The following BLTP3B variants were observed in gnomAD, a reference collection of about 807,000 sequenced individuals.
BLTP3B encodes the protein bridge-like lipid transfer protein family member 3B.
chr12:100,072,892 T>C, the BLTP3B span: 1 of 1,440,824 alleles, frequency 6.9e-7, no homozygotes, highest in Non-Finnish European at 9.2e-7. Flanking sequence ...AGACAGTACT[T>C]TTAAAACTAC....
At chr12:100,069,898 T>C in the BLTP3B span, 68 of 988,916 alleles carry the variant, frequency 6.9e-5, 1 homozygote, top group Non-Finnish European at 1.3e-5. Context: ...TAGAATAAAA[T>C]TTTTAAAAAT....
the BLTP3B span, among the ~76,000 whole-genome samples, chr12:100,072,257 G>A: frequency 6.6e-6 from 1 of 151,298 alleles, no homozygotes; most frequent in South Asian, 2.1e-4. Flanking sequence ...GCGAGACTCT[G>A]CCTTGAAAAA....
the BLTP3B span, among the ~76,000 whole-genome samples, chr12:100,097,165 C>T: frequency 1.3e-5 from 2 of 152,116 alleles, no homozygotes; most frequent in Admixed American, 1.3e-4. Flanking sequence ...GAACATTATA[C>T]CAGTTTTCTA....
the BLTP3B span, chr12:100,088,863 G>C: frequency 1.5e-6 from 2 of 1,347,112 alleles, no homozygotes; most frequent in South Asian, 3.3e-5. Context: ...ATCCAGTTTT[G>C]TAGTCAATTC....
chr12:100,086,630 T>C, the BLTP3B span, among the ~76,000 whole-genome samples: 3 of 152,184 alleles, frequency 2.0e-5, no homozygotes, highest in African/African-American at 7.2e-5. Flanking sequence ...AGCACAACTT[T>C]TATATTGACA....
the BLTP3B span, among the ~76,000 whole-genome samples, chr12:100,140,729 A>AAAAATATAT: frequency 1.8e-4 from 11 of 61,500 alleles, no homozygotes; most frequent in African/African-American, 1.0e-3. Context: ...AAAAAAAAAA[A>AAAAATATAT]ATATATATAT....
At chr12:100,085,670 G>C in the BLTP3B span, among the ~76,000 whole-genome samples, 1,008 of 152,174 alleles carry the variant, frequency 6.6e-3, 13 homozygotes, top group African/African-American at 0.023. Context: ...TCTCTAGTTT[G>C]GTTTTTCTCA....
chr12:100,137,139 C>T, the BLTP3B span, among the ~76,000 whole-genome samples: 1 of 152,196 alleles, frequency 6.6e-6, no homozygotes, highest in Non-Finnish European at 1.5e-5. Flanking sequence ...ACCAGATCTA[C>T]TTCACTTCTA....
chr12:100,084,551 G>A, the BLTP3B span: 2 of 1,613,904 alleles, frequency 1.2e-6, no homozygotes, highest in Non-Finnish European at 1.7e-6. Flanking sequence ...TTCACAGCCT[G>A]TTTAAGCATT....
chr12:100,126,066 G>A, the BLTP3B span, among the ~76,000 whole-genome samples: 98 of 152,246 alleles, frequency 6.4e-4, no homozygotes, highest in African/African-American at 2.1e-3. Context: ...AGGGGTTTGA[G>A]AACAGCCTGG....
chr12:100,093,645 G>A, the BLTP3B span, among the ~76,000 whole-genome samples: 1 of 152,246 alleles, frequency 6.6e-6, no homozygotes, highest in South Asian at 2.1e-4. Flanking sequence ...AGTAGGATTA[G>A]AGTCATTATG....
chr12:100,084,394 ACACAC>A, the BLTP3B span: 1 of 803,156 alleles, frequency 1.2e-6, no homozygotes, highest in Admixed American at 2.8e-5. Context: ...ACACACACAC[ACACAC>A]ACACACACAC....
chr12:100,140,715 AAAAAAAAAAAAAAAAT>A, the BLTP3B span, among the ~76,000 whole-genome samples: 2 of 109,234 alleles, frequency 1.8e-5, no homozygotes, highest in Non-Finnish European at 3.5e-5. Flanking sequence ...AAAAAAAAAA[AAAAAAAAAAAAAAAAT>A]ATATATATAT....
At chr12:100,049,386 G>T in the BLTP3B span, among the ~76,000 whole-genome samples, 2 of 152,178 alleles carry the variant, frequency 1.3e-5, no homozygotes, top group African/African-American at 2.4e-5. Flanking sequence ...TAATGAGAAG[G>T]TATTTTATTT....
chr12:100,087,130 G>T, the BLTP3B span, among the ~76,000 whole-genome samples: 1 of 133,770 alleles, frequency 7.5e-6, no homozygotes, highest in Non-Finnish European at 1.5e-5. Flanking sequence ...CTGCACTCCA[G>T]CCTGGGCAAC....
At chr12:100,076,903 T>C in the BLTP3B span, among the ~76,000 whole-genome samples, 2 of 152,244 alleles carry the variant, frequency 1.3e-5, no homozygotes, top group Non-Finnish European at 2.9e-5. Flanking sequence ...TACTATCTTA[T>C]GTTCTTCTAC....
chr12:100,086,715 A>C, the BLTP3B span, among the ~76,000 whole-genome samples: 304 of 152,304 alleles, frequency 2.0e-3, no homozygotes, highest in African/African-American at 7.1e-3. Context: ...TAACAACCGC[A>C]TTTGATAGGT....
chr12:100,094,034 T>C, the BLTP3B span, among the ~76,000 whole-genome samples: 2 of 152,186 alleles, frequency 1.3e-5, no homozygotes, highest in Non-Finnish European at 2.9e-5. Flanking sequence ...CCTCTCTGTG[T>C]TTCTGTAGTC....
chr12:100,047,658 C>T, the BLTP3B span: 2 of 1,504,532 alleles, frequency 1.3e-6, no homozygotes, highest in Non-Finnish European at 1.8e-6. Flanking sequence ...AGAAAAATAA[C>T]ATTGACATGT....
Sources: gnomAD v4.1 joint callset for allele counts (sites outside exome capture counted in the v4.1 genomes callset) on GRCh38, gnomAD v4.1.1 for gene constraint, MANE v1.5 for transcripts, NCBI Gene and HGNC (gene_info 2026-07-23, HGNC 2026-07-21) for gene names.